Variants in CSMD3 observed in about 807,000 individuals in gnomAD.
The protein encoded by CSMD3 is CUB and sushi domain-containing protein 3.
In CSMD3, 177 loss-of-function variants were observed where a neutral mutation model predicts 435.2. The observed-to-expected ratio is 0.41, with a 90% CI of 0.36 to 0.46. The LOEUF is 0.46. Among genes scored for constraint, CSMD3 ranks in the 20% least tolerant of loss-of-function variants. The probability of loss-of-function intolerance (pLI) is 0.34; values close to 1 mark genes in which losing one functional copy is unlikely to be tolerated. For synonymous variants in CSMD3, 1,656 were observed against 1,520.5 expected (o/e 1.09, Z -2.07); for missense variants, 4,265 against 4,504.6 (o/e 0.95, Z 1.52).
At chr8:113,389,356 CA>C (rs914732110) in intron 1 of CSMD3, among the ~76,000 whole-genome samples, 2 of 151,668 alleles carry the variant, frequency 1.3e-5, no homozygotes, top group East Asian at 1.9e-4. Context: ...AACAAAACCA[CA>C]AAAAACTTGG....
chr8:112,419,271 C>T (rs1241999122), intron 32 of CSMD3, among the ~76,000 whole-genome samples: 1 of 152,092 alleles, frequency 6.6e-6, no homozygotes, highest in Admixed American at 6.6e-5. Flanking sequence ...ATGGCTCCAC[C>T]CTAGAATGCT....
chr8:113,028,876 A>C (rs1000838368), intron 5 of CSMD3, among the ~76,000 whole-genome samples: 1 of 151,662 alleles, frequency 6.6e-6, no homozygotes, highest in South Asian at 2.1e-4. Flanking sequence ...GCTGCAAGCT[A>C]TCCAGACGGT....
chr8:113,359,390 AAAG>A, intron 1 of CSMD3, among the ~76,000 whole-genome samples: 1 of 152,322 alleles, frequency 6.6e-6, no homozygotes, highest in East Asian at 1.9e-4. Context: ...TTGTGTAGTA[AAAG>A]AAGAATTAAG....
intron 1 of CSMD3, among the ~76,000 whole-genome samples, chr8:113,399,179 T>C (rs1235191356): frequency 6.7e-6 from 1 of 149,050 alleles, no homozygotes; most frequent in Non-Finnish European, 1.5e-5. Context: ...TACCTATATA[T>C]AAAACAAGTA....
chr8:113,193,391 A>T (rs1329474742), intron 3 of CSMD3, among the ~76,000 whole-genome samples: 1 of 151,328 alleles, frequency 6.6e-6, no homozygotes, highest in African/African-American at 2.4e-5. Flanking sequence ...CCTCTTTTAG[A>T]GGTTCTTAAT....
chr8:113,397,847 A>C (rs1232932378), intron 1 of CSMD3, among the ~76,000 whole-genome samples: 2 of 151,240 alleles, frequency 1.3e-5, no homozygotes, highest in Non-Finnish European at 1.5e-5. Context: ...TAAATAAATA[A>C]ATAAATAAAT....
chr8:112,538,382 G>C (rs186357075), intron 27 of CSMD3, among the ~76,000 whole-genome samples: 20 of 152,074 alleles, frequency 1.3e-4, no homozygotes, highest in Admixed American at 7.2e-4. Flanking sequence ...AAACAAAAAG[G>C]CATCGAAATT....
At chr8:113,098,679 TCCA>T in intron 5 of CSMD3, 74 bp downstream of exon 5, 1 of 975,690 alleles carries the variant, frequency 1.0e-6, no homozygotes, top group South Asian at 1.3e-5. Flanking sequence ...CCTGTAAAAG[TCCA>T]CATTCAGTTG....
At chr8:113,106,982 C>A (rs1033913904) in intron 4 of CSMD3, among the ~76,000 whole-genome samples, 17 of 152,036 alleles carry the variant, frequency 1.1e-4, no homozygotes, top group African/African-American at 3.6e-4. Context: ...AGAACATTTT[C>A]ATCACCCCAA....
chr8:113,179,971 A>G (rs1489272652), intron 3 of CSMD3, among the ~76,000 whole-genome samples: 1 of 151,942 alleles, frequency 6.6e-6, no homozygotes, highest in African/African-American at 2.4e-5. Flanking sequence ...GAAAATGGGA[A>G]TGAAAAATTT....
At chr8:113,361,345 C>G (rs950323482) in intron 1 of CSMD3, among the ~76,000 whole-genome samples, 4 of 152,048 alleles carry the variant, frequency 2.6e-5, no homozygotes, top group African/African-American at 9.7e-5. Context: ...ACCAGTTGCA[C>G]TCTTGTAATT....
At chr8:112,474,173 T>A (rs1482358706) in intron 31 of CSMD3, among the ~76,000 whole-genome samples, 1 of 152,118 alleles carries the variant, frequency 6.6e-6, no homozygotes. Flanking sequence ...GGTTTTTATA[T>A]TTTTAAAGAG....
intron 22 of CSMD3, among the ~76,000 whole-genome samples, chr8:112,596,506 C>T (rs1250779153): frequency 6.6e-6 from 1 of 152,048 alleles, no homozygotes; most frequent in Non-Finnish European, 1.5e-5. Flanking sequence ...CAGCTCTGCA[C>T]CAAGCGGACC....
intron 13 of CSMD3, among the ~76,000 whole-genome samples, chr8:112,712,495 G>T (rs2076630249): frequency 6.6e-6 from 1 of 152,096 alleles, no homozygotes; most frequent in Admixed American, 6.6e-5. Flanking sequence ...TGTCAGGACA[G>T]GAGGCCCCGC....
chr8:112,346,243 C>T (rs1825657510), intron 40 of CSMD3, 30 bp from the exon 41 acceptor site: 2 of 1,259,324 alleles, frequency 1.6e-6, no homozygotes, highest in African/African-American at 1.5e-5. Context: ...CAAAGTAAAC[C>T]AGAGTAGAGG....
intron 56 of CSMD3, among the ~76,000 whole-genome samples, chr8:112,290,715 A>T (rs2130668400): frequency 6.6e-6 from 1 of 152,120 alleles, no homozygotes; most frequent in South Asian, 2.1e-4. Flanking sequence ...TTATTTGCCA[A>T]AAATGAACGA....
chr8:112,731,873 T>TGAAA (rs1406348222), intron 13 of CSMD3, among the ~76,000 whole-genome samples: 1 of 152,150 alleles, frequency 6.6e-6, no homozygotes, highest in East Asian at 1.9e-4. Context: ...CTGTCAATTT[T>TGAAA]GAAAGATATA....
At chr8:113,032,538 G>A (rs1309797084) in intron 5 of CSMD3, among the ~76,000 whole-genome samples, 4 of 151,538 alleles carry the variant, frequency 2.6e-5, no homozygotes, top group Non-Finnish European at 4.4e-5. Flanking sequence ...TTCAAGAGGT[G>A]ACCTGGCTTA....
chr8:112,522,164 T>C (rs1824359110), intron 27 of CSMD3, among the ~76,000 whole-genome samples: 1 of 151,808 alleles, frequency 6.6e-6, no homozygotes, highest in South Asian at 2.1e-4. Context: ...CTGTTTCTAT[T>C]CCACTAAAAA....
Sources: gnomAD v4.1 joint callset for allele counts (sites outside exome capture counted in the v4.1 genomes callset) on GRCh38, gnomAD v4.1.1 for gene constraint, MANE v1.5 for transcripts, NCBI Gene and HGNC (gene_info 2026-07-23, HGNC 2026-07-21) for gene names.